Variants in RORA observed in about 807,000 individuals in gnomAD.
RORA encodes RAR related orphan receptor A.
A neutral mutation model predicts 69.5 loss-of-function variants in RORA; 7 were observed. That is an observed-to-expected ratio of 0.10 (90% CI 0.06 to 0.19). RORA has a LOEUF of 0.19. Among genes scored for constraint, RORA ranks in the 10% least tolerant of loss-of-function variants. RORA has a pLI of 1.00. For missense variants in RORA, 457 were observed against 663.0 expected (o/e 0.69, Z 3.41); for synonymous variants, 261 against 240.8 (o/e 1.08, Z -0.78).
intron 1 of RORA, among the ~76,000 whole-genome samples, chr15:60,989,311 T>A (rs1471091882): frequency 6.6e-6 from 1 of 152,228 alleles, no homozygotes; most frequent in Non-Finnish European, 1.5e-5. Flanking sequence ...ATAAAAGAAA[T>A]CATGTAATAT....
chr15:60,853,767 C>T (rs770828437), intron 1 of RORA, among the ~76,000 whole-genome samples: 11 of 152,200 alleles, frequency 7.2e-5, no homozygotes, highest in Non-Finnish European at 8.8e-5. Flanking sequence ...ACTGGAAGAA[C>T]ACTGGACTTG....
At chr15:60,524,222 T>G (rs2066271335) in intron 3 of RORA, among the ~76,000 whole-genome samples, 1 of 152,344 alleles carries the variant, frequency 6.6e-6, no homozygotes, top group East Asian at 1.9e-4. Flanking sequence ...GTCTTTCACT[T>G]CTTGAGTTGG....
intron 1 of RORA, among the ~76,000 whole-genome samples, chr15:61,168,200 ACG>A: frequency 6.7e-6 from 1 of 150,218 alleles, no homozygotes; most frequent in African/African-American, 2.5e-5. Flanking sequence ...ACATATATAC[ACG>A]CGCGTGCGTG....
intron 1 of RORA, among the ~76,000 whole-genome samples, chr15:60,751,018 G>C (rs902969171): frequency 2.6e-5 from 4 of 152,334 alleles, no homozygotes; most frequent in African/African-American, 9.6e-5. Flanking sequence ...TTTTCAGGCA[G>C]GCAGTGAGGA....
In RORA at chr15:61,131,551, A is replaced by G. The variant is rs984799934; in HGVS notation, c.166+97502T>C. 6.6e-6 allele frequency among the ~76,000 whole-genome samples: 1 copy of G among 152,206 alleles called. No individual in the cohort carries two copies. The highest frequency in any genetic ancestry group is 2.1e-4 in the South Asian group (1 of 4,826). On this transcript the variant is annotated intron_variant, in intron 1 of 10. Coordinates refer to ENST00000335670, the MANE Select transcript of RORA (RefSeq NM_134261.3). This position sits in a 1 kb window ranked among gnomAD's most constrained non-coding sequence, Gnocchi z 4.2. ...CTTTGGCCATCCACTGGAAAACTGG[A>G]GGAACTGGGATCTAGTTACTCATGC...
intron 1 of RORA, among the ~76,000 whole-genome samples, chr15:60,949,416 C>T (rs1020526885): frequency 6.6e-6 from 1 of 152,152 alleles, no homozygotes; most frequent in Admixed American, 6.5e-5. Context: ...ATAAACTGCC[C>T]AAATCGTGTT....
chr15:60,936,830 T>A (rs1018843483), intron 1 of RORA, among the ~76,000 whole-genome samples: 11 of 152,244 alleles, frequency 7.2e-5, no homozygotes, highest in Non-Finnish European at 1.5e-4. Flanking sequence ...GAGAAAATAG[T>A]AGAAATGTCC....
chr15:60,677,425 A>G (rs2070570014), intron 2 of RORA, among the ~76,000 whole-genome samples: 1 of 152,188 alleles, frequency 6.6e-6, no homozygotes, highest in Non-Finnish European at 1.5e-5. Flanking sequence ...TGGAGGTGCC[A>G]TCCGGATCAT....
chr15:60,567,438 G>A (rs746131123), intron 2 of RORA, among the ~76,000 whole-genome samples: 10 of 150,130 alleles, frequency 6.7e-5, no homozygotes, highest in Non-Finnish European at 1.3e-4. Context: ...CTGAGACTGA[G>A]TCTTGGTCTG....
chr15:60,827,834 T>C (rs1218893597), intron 1 of RORA, among the ~76,000 whole-genome samples: 3 of 152,242 alleles, frequency 2.0e-5, no homozygotes, highest in Non-Finnish European at 2.9e-5. Flanking sequence ...GACTCCTTTA[T>C]AGCAGTCAGG....
At chr15:60,901,355 A>G (rs930653054) in intron 1 of RORA, among the ~76,000 whole-genome samples, 2 of 152,186 alleles carry the variant, frequency 1.3e-5, no homozygotes, top group African/African-American at 4.8e-5. Flanking sequence ...TACTTTTAGT[A>G]GAGATGGGGT....
At chr15:60,874,093 C>T (rs1235822295) in intron 1 of RORA, among the ~76,000 whole-genome samples, 1 of 152,036 alleles carries the variant, frequency 6.6e-6, no homozygotes, top group Non-Finnish European at 1.5e-5. Flanking sequence ...ATCTGGCATC[C>T]CTTTTTTGGC....
intron 1 of RORA, among the ~76,000 whole-genome samples, chr15:61,146,037 G>A (rs2079343992): frequency 6.6e-6 from 1 of 152,072 alleles, no homozygotes; most frequent in Admixed American, 6.6e-5. Context: ...AATATCCAAC[G>A]GAATTGTTTC....
At chr15:61,137,595 G>A (rs576566458) in intron 1 of RORA, among the ~76,000 whole-genome samples, 14 of 152,258 alleles carry the variant, frequency 9.2e-5, no homozygotes, top group South Asian at 2.1e-4. Flanking sequence ...GTGCTGGGCC[G>A]TTCCTAACAC....
Position 60,558,340 on chromosome 15 carries a change from C to T in RORA, c.197-26489G>A, listed in dbSNP as rs186495749. 323 of 1,445,360 alleles carry T rather than the reference C, an allele frequency of 2.2e-4. No homozygotes were observed. In the African/African-American group the frequency reaches 4.1e-3, roughly 18 times the overall value. The allele number at this position is 1,445,360 out of a possible 1,614,324, so 89.5% of individuals were successfully genotyped here. On this transcript the variant is annotated intron_variant, in intron 2 of 10. Coordinates refer to ENST00000335670, the MANE Select transcript of RORA (RefSeq NM_134261.3). ...AAAATGATAGCCTATCTCAAAAAAG[C>T]TACTAATGGGCATTAATTAGTTGGC...
At chr15:60,601,762 A>G (rs1057482642) in intron 2 of RORA, among the ~76,000 whole-genome samples, 5 of 152,176 alleles carry the variant, frequency 3.3e-5, no homozygotes, top group African/African-American at 1.2e-4. Flanking sequence ...AAGCAGAGCC[A>G]TTTATTTTCA....
At chr15:60,553,544 G>T (rs1250606051) in intron 2 of RORA, among the ~76,000 whole-genome samples, 1 of 152,168 alleles carries the variant, frequency 6.6e-6, no homozygotes, top group Non-Finnish European at 1.5e-5. Flanking sequence ...ACTAACTGGT[G>T]AGAAGATCAG....
intron 1 of RORA, among the ~76,000 whole-genome samples, chr15:60,758,334 G>A (rs2071833001): frequency 6.6e-6 from 1 of 152,184 alleles, no homozygotes; most frequent in African/African-American, 2.4e-5. Flanking sequence ...TTTCAGAGTT[G>A]TGGTGGCAAT....
chr15:60,727,055 G>C (rs1232753488), intron 1 of RORA, among the ~76,000 whole-genome samples: 3 of 152,156 alleles, frequency 2.0e-5, no homozygotes, highest in Non-Finnish European at 2.9e-5. Flanking sequence ...AGCTCACACA[G>C]GTTTGCTGGT....
Sources: gnomAD v4.1 joint callset for allele counts (sites outside exome capture counted in the v4.1 genomes callset) on GRCh38, gnomAD v4.1.1 for gene constraint, Gnocchi (gnomAD v3.1) non-coding constraint, MANE v1.5 for transcripts, NCBI Gene and HGNC (gene_info 2026-07-23, HGNC 2026-07-21) for gene names.